GALNT14: variants seen among roughly 807,000 people sequenced by gnomAD.
GALNT14 encodes polypeptide N-acetylgalactosaminyltransferase 14, also known as UDP-GalNAc:polypeptide N-acetylgalactosaminyltransferase 14.
Under a neutral mutation model 77.5 loss-of-function variants are expected in GALNT14, and 60 were observed. That is an observed-to-expected ratio of 0.77 (90% CI 0.63 to 0.96). The LOEUF (loss-of-function observed/expected upper bound fraction) is 0.96. GALNT14 is among the 40% of genes least tolerant of loss of function. GALNT14 has a pLI of 0.00. For missense variants in GALNT14, 710 were observed against 731.0 expected, an observed-to-expected ratio of 0.97 and a Z score of 0.33; for synonymous variants, 280 against 281.7, an observed-to-expected ratio of 0.99 and a Z score of 0.06.
At chr2:31,133,736 C>T (rs1212447703) in intron 1 of GALNT14, among the ~76,000 whole-genome samples, 1 of 152,196 alleles carries the variant, frequency 6.6e-6, no homozygotes, top group African/African-American at 2.4e-5. Flanking sequence ...GAAATTAAAA[C>T]ATTTTTCAGC....
chr2:31,017,613 T>C (rs2148453854), intron 1 of GALNT14, among the ~76,000 whole-genome samples: 1 of 152,184 alleles, frequency 6.6e-6, no homozygotes, highest in East Asian at 1.9e-4. Context: ...CCTTCACTAC[T>C]CCCTGGGGGC....
intron 1 of GALNT14, among the ~76,000 whole-genome samples, chr2:31,091,490 T>C (rs1312712117): frequency 6.6e-6 from 1 of 152,238 alleles, no homozygotes; most frequent in African/African-American, 2.4e-5. Context: ...TCTCTGTACT[T>C]GCCCCAAGGC....
At chr2:30,975,983 CCTGTCTCCT>C (rs1668603839) in intron 2 of GALNT14, among the ~76,000 whole-genome samples, 1 of 152,210 alleles carries the variant, frequency 6.6e-6, no homozygotes, top group Admixed American at 6.5e-5. Flanking sequence ...AAATCTCCCT[CCTGTCTCCT>C]CTCTTCCCCA....
At chr2:31,023,278 T>C (rs1235491309) in intron 1 of GALNT14, among the ~76,000 whole-genome samples, 2 of 152,156 alleles carry the variant, frequency 1.3e-5, no homozygotes, top group Non-Finnish European at 2.9e-5. Context: ...ATAATCCTAG[T>C]AAGTTAGGTT....
intron 2 of GALNT14, among the ~76,000 whole-genome samples, chr2:30,988,854 A>G (rs952913943): frequency 9.9e-5 from 15 of 152,198 alleles, no homozygotes; most frequent in Non-Finnish European, 7.3e-5. Flanking sequence ...CAAGTTCCCA[A>G]GTGAAGCTGA....
the GALNT14 span, among the ~76,000 whole-genome samples, chr2:30,894,323 T>A: frequency 6.6e-6 from 1 of 152,232 alleles, no homozygotes; most frequent in East Asian, 1.9e-4. Flanking sequence ...TTAATAATGA[T>A]TTCTAAAGTT....
At chr2:31,108,584 T>G (rs528707082) in intron 1 of GALNT14, among the ~76,000 whole-genome samples, 3 of 152,318 alleles carry the variant, frequency 2.0e-5, no homozygotes, top group East Asian at 3.9e-4. Flanking sequence ...AAGGTAACAC[T>G]GGTTGGAGCA....
At chr2:30,894,939 C>T in the GALNT14 span, among the ~76,000 whole-genome samples, 2 of 152,154 alleles carry the variant, frequency 1.3e-5, no homozygotes, top group East Asian at 1.9e-4. Context: ...CTATCAGTTC[C>T]CCAGAGCAGC....
intron 1 of GALNT14, among the ~76,000 whole-genome samples, chr2:31,085,025 TAAA>T (rs70962301): frequency 4.8e-5 from 7 of 145,850 alleles, no homozygotes; most frequent in Non-Finnish European, 7.6e-5. Context: ...AGACTCCATC[TAAA>T]AAAAAAAAAA....
intron 3 of GALNT14, among the ~76,000 whole-genome samples, chr2:30,960,961 T>C (rs1201983796): frequency 6.6e-6 from 1 of 152,236 alleles, no homozygotes; most frequent in African/African-American, 2.4e-5. Context: ...CAGAGTCTTC[T>C]ATATGCAGCT....
chr2:30,894,792 A>G, the GALNT14 span, among the ~76,000 whole-genome samples: 2 of 152,164 alleles, frequency 1.3e-5, no homozygotes. Context: ...CTGGACTCTT[A>G]GCCTACGGCC....
intron 10 of GALNT14, among the ~76,000 whole-genome samples, 195 bp downstream of exon 10, chr2:30,931,873 C>T (rs553269093): frequency 1.2e-4 from 19 of 152,178 alleles, no homozygotes; most frequent in Admixed American, 1.2e-3. Context: ...AAGCCTCAGG[C>T]CCTAACACTG....
intron 1 of GALNT14, among the ~76,000 whole-genome samples, chr2:30,995,864 T>C (rs1036011889): frequency 2.6e-5 from 4 of 152,134 alleles, no homozygotes; most frequent in Admixed American, 2.6e-4. Context: ...GTATTATAAA[T>C]AGGAATTGGC....
downstream of GALNT14, among the ~76,000 whole-genome samples, chr2:30,908,823 A>G (rs1369833548): frequency 1.4e-5 from 2 of 147,290 alleles, no homozygotes; most frequent in African/African-American, 2.6e-5. Context: ...ACAAGGCTAC[A>G]GTAACCAAAA....
chr2:30,961,357 T>G (rs574799624), intron 3 of GALNT14, among the ~76,000 whole-genome samples: 40 of 152,260 alleles, frequency 2.6e-4, no homozygotes, highest in African/African-American at 9.4e-4. Flanking sequence ...CGGCTGACAG[T>G]TGAGTTTAGT....
At chr2:31,018,252 C>T (rs1371051631) in intron 1 of GALNT14, among the ~76,000 whole-genome samples, 1 of 152,276 alleles carries the variant, frequency 6.6e-6, no homozygotes, top group Admixed American at 6.5e-5. Flanking sequence ...GGAATGACTA[C>T]CATATATCAT....
chr2:30,978,199 C>T (rs1668755357), intron 2 of GALNT14, among the ~76,000 whole-genome samples: 1 of 152,218 alleles, frequency 6.6e-6, no homozygotes, highest in Non-Finnish European at 1.5e-5. Flanking sequence ...ACAAACCTCC[C>T]TAGATTCTGT....
chr2:31,003,894 T>A (rs1317482760), intron 1 of GALNT14, among the ~76,000 whole-genome samples: 2 of 152,222 alleles, frequency 1.3e-5, no homozygotes, highest in Non-Finnish European at 2.9e-5. Flanking sequence ...TAAGTCAGCA[T>A]GACTGGGGAA....
intron 1 of GALNT14, among the ~76,000 whole-genome samples, chr2:31,039,446 C>CAG (rs1338138863): frequency 4.6e-5 from 7 of 152,212 alleles, no homozygotes; most frequent in African/African-American, 1.7e-4. Context: ...TCCAAGTTCT[C>CAG]ACAGTCAGTA....
Sources: allele counts gnomAD v4.1 joint callset (sites outside exome capture counted in the v4.1 genomes callset), GRCh38; gene constraint gnomAD v4.1.1; transcripts MANE v1.5; gene names NCBI Gene and HGNC (gene_info 2026-07-23, HGNC 2026-07-21).